The following CCDC102B variants were observed in gnomAD, a reference collection of about 807,000 sequenced individuals.
CCDC102B encodes coiled-coil domain containing 102B.
In CCDC102B, 75 loss-of-function variants were observed where a neutral mutation model predicts 57.4. The observed-to-expected ratio is 1.31, with a 90% CI of 1.08 to 1.58. The LOEUF is 1.58. Among genes scored for constraint, CCDC102B ranks in the 40% most tolerant of loss-of-function variants. CCDC102B has a pLI of 0.00. For synonymous variants in CCDC102B, 206 were observed against 201.9 expected (o/e 1.02, Z -0.17); for missense variants, 636 against 582.6 (o/e 1.09, Z -0.94).
chr18:69,044,122 G>T (rs2052500225), intron 7 of CCDC102B, among the ~76,000 whole-genome samples: 1 of 151,932 alleles, frequency 6.6e-6, no homozygotes, highest in Non-Finnish European at 1.5e-5. Flanking sequence ...TGATTTAATG[G>T]TAAAAATCTA....
intron 2 of CCDC102B, chr18:68,754,258 A>G (rs1269774724): frequency 6.6e-6 from 1 of 152,230 alleles, no homozygotes; most frequent in African/African-American, 2.4e-5. Context: ...TTAAACATCC[A>G]GTAGATTAAA....
chr18:68,969,419 A>G (rs1224161978), intron 6 of CCDC102B, among the ~76,000 whole-genome samples: 1 of 150,614 alleles, frequency 6.6e-6, no homozygotes, highest in African/African-American at 2.4e-5. Flanking sequence ...TTTAGTCTGG[A>G]CTACCTGGTT....
At chr18:68,975,006 T>C (rs570223247) in intron 6 of CCDC102B, among the ~76,000 whole-genome samples, 2 of 152,090 alleles carry the variant, frequency 1.3e-5, no homozygotes, top group South Asian at 4.1e-4. Context: ...TGTTGAAAGA[T>C]ACTTCTAAAT....
chr18:69,058,115 A>G (rs927589853), downstream of CCDC102B, among the ~76,000 whole-genome samples: 2 of 151,930 alleles, frequency 1.3e-5, no homozygotes, highest in Admixed American at 1.3e-4. Flanking sequence ...CTGTTCCTGC[A>G]TTAACTTGCT....
intron 6 of CCDC102B, among the ~76,000 whole-genome samples, chr18:68,930,082 C>T (rs903104565): frequency 6.6e-6 from 1 of 151,286 alleles, no homozygotes; most frequent in African/African-American, 2.4e-5. Context: ...GATAATTATA[C>T]GCACCTTGCT....
In CCDC102B at chr18:68,876,369, C is replaced by T. The variant is rs147821500; in HGVS notation, c.1053+1584C>T. Among the ~76,000 whole-genome samples the T allele has an allele frequency of 5.2e-3, 796 of 152,174 alleles. 11 individuals are homozygous for T. The highest frequency in any genetic ancestry group is 5.0e-3 in the Non-Finnish European group (340 of 67,998). ...GTGTAAGTTGTCAACAGTTTGGGAG[C>T]TGTACAGCAAATGTGAATGATGCTA... On this transcript the variant is annotated intron_variant, in intron 5 of 7. Transcript: ENST00000360242.
chr18:68,914,778 G>A (rs946575078), intron 6 of CCDC102B, among the ~76,000 whole-genome samples: 18 of 152,038 alleles, frequency 1.2e-4, no homozygotes, highest in African/African-American at 3.6e-4. Flanking sequence ...AAGCATTTGC[G>A]GATTTTAATT....
At chr18:68,723,904 A>C (rs2032475495) in intron 2 of CCDC102B, among the ~76,000 whole-genome samples, 1 of 152,030 alleles carries the variant, frequency 6.6e-6, no homozygotes, top group Admixed American at 6.5e-5. Flanking sequence ...GTGATGAAAC[A>C]TTTCCCTTCT....
intron 7 of CCDC102B, among the ~76,000 whole-genome samples, chr18:69,050,927 C>T (rs1599905507): frequency 6.6e-6 from 1 of 152,276 alleles, no homozygotes; most frequent in African/African-American, 2.4e-5. Context: ...GCTCTTCACT[C>T]AGGTTGGTGT....
intron 2 of CCDC102B, 138 bp from the exon 3 acceptor site, chr18:68,838,568 A>G (rs1263849974): frequency 7.0e-7 from 1 of 1,436,264 alleles, no homozygotes; most frequent in East Asian, 2.5e-5. Context: ...TGGCCACACA[A>G]CACTTTCAGG....
At position 68,846,387 on chromosome 18, in the gene CCDC102B, A is replaced by T. The variant is rs1248511105; in HGVS notation, c.902A>T (p.Glu301Val). The T allele has an allele frequency of 6.3e-7, 1 of 1,590,872 alleles. No homozygotes were observed. Among genetic ancestry groups the T allele is most frequent in the South Asian group, 1.1e-5 (1 of 88,244 alleles). Residue 301 changes from glutamate (E) to valine (V), a missense_variant, in exon 4 of 8, where the codon GAA becomes GTA. Physicochemically the swap from Glu to Val is moderately radical, Grantham distance 121. Transcript: ENST00000360242. Reference protein sequence around the residue: ...ALSLWKWKYEELKESKPKNVK... With the variant: ...ALSLWKWKYEVLKESKPKNVK... ...TCTCTGTGGAAGTGGAAGTATGAAG[A>T]ACTGAAAGAATCAAAGCCAAAAAAT...
intron 4 of CCDC102B, among the ~76,000 whole-genome samples, chr18:68,849,402 A>G (rs2038023110): frequency 6.6e-6 from 1 of 152,090 alleles, no homozygotes; most frequent in African/African-American, 2.4e-5. Flanking sequence ...CATAGAAGTG[A>G]CTATAAATAT....
In CCDC102B at chr18:69,054,605, C is replaced by T. The variant is rs1325848479; in HGVS notation, c.*468C>T. The T allele has an allele frequency of 1.0e-6, 1 of 984,232 alleles. No individual in the cohort carries two copies. Among genetic ancestry groups the T allele is most frequent in the Non-Finnish European group, 1.2e-6 (1 of 828,864 alleles). The allele number at this position is 984,232 out of a possible 1,614,324, so 61.0% of individuals were successfully genotyped here. A position where few individuals can be genotyped will look rare whatever the true frequency, so the allele number is the denominator to read the frequency against. ...GCAGGTTGTATTAACAAAAATGAAT[C>T]ATTCTAGAGGTGTAACAATACATTT... On this transcript the variant is annotated 3_prime_UTR_variant, in exon 8 of 8. Coordinates refer to ENST00000360242, the MANE Select transcript of CCDC102B (RefSeq NM_024781.3).
intron 6 of CCDC102B, among the ~76,000 whole-genome samples, chr18:68,998,484 T>A (rs1192708828): frequency 6.7e-6 from 1 of 149,224 alleles, no homozygotes; most frequent in East Asian, 2.0e-4. Context: ...ACTAATAGGA[T>A]AGATGCATAG....
At chr18:68,735,847 T>G (rs1425959782) in intron 2 of CCDC102B, among the ~76,000 whole-genome samples, 1 of 152,212 alleles carries the variant, frequency 6.6e-6, no homozygotes, top group Non-Finnish European at 1.5e-5. Context: ...TAACTGAATG[T>G]TTTTATCTAC....
rs1479181164 is a variant in CCDC102B, at chr18:68,874,811, T to C, written c.1053+26T>C. On this transcript the variant is annotated intron_variant, in intron 5 of 7. Transcript: ENST00000360242. ...GTAAGACACTGGGTAAAGAGTACCA[T>C]ATATATTAAAACATAACTGACTGTT... 4 of 1,339,168 alleles carry C rather than the reference T, an allele frequency of 3.0e-6. No homozygotes were observed. The South Asian group carries it at 4.7e-5, about 16-fold the overall frequency. The allele number at this position is 1,339,168 out of a possible 1,614,324, so 83.0% of individuals were successfully genotyped here.
At chr18:68,738,287 CAGAA>C (rs1349049994) in intron 2 of CCDC102B, among the ~76,000 whole-genome samples, 1 of 152,004 alleles carries the variant, frequency 6.6e-6, no homozygotes, top group East Asian at 1.9e-4. Flanking sequence ...TTCTTTGCTA[CAGAA>C]ATATGTAGCA....
intron 7 of CCDC102B, among the ~76,000 whole-genome samples, chr18:69,011,413 A>G (rs2051514244): frequency 6.6e-6 from 1 of 151,726 alleles, no homozygotes; most frequent in Non-Finnish European, 1.5e-5. Context: ...TAGGCACAGT[A>G]TCATTAAAGC....
At chr18:68,750,878 A>G (rs1461545880) in intron 2 of CCDC102B, among the ~76,000 whole-genome samples, 1 of 152,038 alleles carries the variant, frequency 6.6e-6, no homozygotes, top group Non-Finnish European at 1.5e-5. Flanking sequence ...CAGCACACCA[A>G]CATGGCACAT....
Sources: gnomAD v4.1 joint callset for allele counts (sites outside exome capture counted in the v4.1 genomes callset) on GRCh38, gnomAD v4.1.1 for gene constraint, MANE v1.5 for transcripts, NCBI Gene and HGNC (gene_info 2026-07-23, HGNC 2026-07-21) for gene names.